Variants in MACROD2 observed in about 807,000 individuals in gnomAD.
MACROD2 encodes mono-ADP ribosylhydrolase 2, also known as ADP-ribose glycohydrolase MACROD2.
Under a neutral mutation model 70.4 loss-of-function variants are expected in MACROD2, and 36 were observed. That is an observed-to-expected ratio of 0.51 (90% confidence interval 0.39 to 0.68). MACROD2 has a LOEUF of 0.68. MACROD2 is among the 30% of genes least tolerant of loss of function. The pLI, the probability that MACROD2 is intolerant of heterozygous loss-of-function variation, is 0.00. For missense variants in MACROD2, 496 were observed against 538.4 expected, an observed-to-expected ratio of 0.92 and a Z score of 0.78; for synonymous variants, 172 against 178.8, an observed-to-expected ratio of 0.96 and a Z score of 0.30.
chr20:15,653,968 G>A (rs1022476795), intron 8 of MACROD2, among the ~76,000 whole-genome samples: 5 of 152,076 alleles, frequency 3.3e-5, no homozygotes, highest in East Asian at 3.9e-4. Flanking sequence ...AGGAAGACAT[G>A]GAAAAGAGGA....
chr20:14,810,475 C>T (rs1038322252), intron 5 of MACROD2, among the ~76,000 whole-genome samples: 3 of 152,062 alleles, frequency 2.0e-5, no homozygotes, highest in African/African-American at 7.2e-5. Flanking sequence ...AAACCCACAG[C>T]CAATATCATA....
At chr20:14,556,624 G>A (rs948746934) in intron 4 of MACROD2, among the ~76,000 whole-genome samples, 8 of 151,942 alleles carry the variant, frequency 5.3e-5, no homozygotes, top group East Asian at 3.9e-4. Context: ...ATTTGATCCC[G>A]TCATTCCCAT....
At chr20:15,293,099 C>T (rs1295089977) in intron 6 of MACROD2, among the ~76,000 whole-genome samples, 1 of 152,166 alleles carries the variant, frequency 6.6e-6, no homozygotes, top group Admixed American at 6.5e-5. Context: ...TTTCTAACAC[C>T]AATCCATTTC....
At chr20:16,029,797 A>G (rs2067128458) in intron 15 of MACROD2, among the ~76,000 whole-genome samples, 1 of 152,222 alleles carries the variant, frequency 6.6e-6, no homozygotes, top group South Asian at 2.1e-4. Context: ...CTCCATGTCA[A>G]TACCTCTGAA....
intron 5 of MACROD2, among the ~76,000 whole-genome samples, chr20:15,133,777 T>C (rs183012304): frequency 6.6e-5 from 10 of 152,286 alleles, no homozygotes; most frequent in Admixed American, 4.6e-4. Flanking sequence ...ATGGTAGGAT[T>C]CGTTAATATG....
intron 4 of MACROD2, among the ~76,000 whole-genome samples, chr20:14,544,077 G>A (rs2085464079): frequency 6.6e-6 from 1 of 152,060 alleles, no homozygotes; most frequent in Admixed American, 6.6e-5. Context: ...AGGCTAATGT[G>A]GCAAAAAGCA....
intron 8 of MACROD2, among the ~76,000 whole-genome samples, chr20:15,811,238 C>T (rs1187264672): frequency 2.6e-5 from 4 of 151,388 alleles, no homozygotes; most frequent in African/African-American, 9.7e-5. Flanking sequence ...AACAAATTTA[C>T]AAGAAAAAAA....
At chr20:14,156,141 G>A (rs372448885) in intron 3 of MACROD2, among the ~76,000 whole-genome samples, 121 of 152,146 alleles carry the variant, frequency 8.0e-4, no homozygotes, top group African/African-American at 2.9e-3. Flanking sequence ...CAGCCTGGGC[G>A]ACAAAGTCTC....
At chr20:14,907,526 T>C (rs570743747) in intron 5 of MACROD2, among the ~76,000 whole-genome samples, 2 of 152,100 alleles carry the variant, frequency 1.3e-5, no homozygotes, top group Non-Finnish European at 2.9e-5. Flanking sequence ...GTCTGTGATG[T>C]CCCGGGGGGA....
chr20:15,000,923 TG>T (rs1305391476), intron 5 of MACROD2, among the ~76,000 whole-genome samples: 9 of 152,336 alleles, frequency 5.9e-5, no homozygotes, highest in African/African-American at 2.2e-4. Context: ...GGCTGTATTT[TG>T]ATTGCAAATC....
chr20:14,754,393 A>G (rs2071913401), intron 5 of MACROD2, among the ~76,000 whole-genome samples: 1 of 152,146 alleles, frequency 6.6e-6, no homozygotes, highest in Admixed American at 6.6e-5. Flanking sequence ...CTTCCAAGAG[A>G]TGTTATTAAC....
chr20:16,010,358 G>A lies in MACROD2; in HGVS notation c.1153+23200G>A, dbSNP rs185270118. On this transcript the variant is annotated intron_variant, in intron 15 of 17. Coordinates refer to ENST00000684519, the MANE Select transcript of MACROD2 (RefSeq NM_001351661.2). ...GCTCTGTGTACAAAATCCCACAGGC[G>A]CTCATCTCTTATCTCTGCATATGCC... Among the ~76,000 whole-genome samples the A allele has an allele frequency of 2.9e-3, 436 of 152,170 alleles. 2 individuals are homozygous for A. Among genetic ancestry groups the A allele is most frequent in the Non-Finnish European group, 2.6e-3 (179 of 68,000 alleles).
chr20:15,484,032 A>G (rs2047132617), intron 7 of MACROD2, among the ~76,000 whole-genome samples: 1 of 136,280 alleles, frequency 7.3e-6, no homozygotes, highest in African/African-American at 2.6e-5. Context: ...TTTCTTTCCC[A>G]TCATTATGCC....
rs1264606333 is a variant in MACROD2 at position 15,088,398 on chromosome 20, TATATATATATATA to T, written c.419-141541_419-141529del. On this transcript the variant is annotated intron_variant, in intron 5 of 17. Transcript: ENST00000684519. ...CCATTAAAACATATATACTATATTT[TATATATATATATA>T]TATATATATATATATATATATATAT... 2.9e-3 allele frequency among the ~76,000 whole-genome samples: 20 copies of T among 6,792 alleles called. No homozygotes were observed. In the East Asian group the frequency reaches 0.032, roughly 11 times the overall value. 4.5% of individuals were successfully genotyped at this position (6,792 alleles called of 152,430 possible). A position where few individuals can be genotyped will look rare whatever the true frequency, so the allele number is the denominator to read the frequency against.
At chr20:15,352,068 A>C (rs2078233378) in intron 6 of MACROD2, among the ~76,000 whole-genome samples, 1 of 152,194 alleles carries the variant, frequency 6.6e-6, no homozygotes, top group South Asian at 2.1e-4. Context: ...CTTGAAGCTG[A>C]AGCTCAAACT....
chr20:15,706,328 G>T (rs1439459698), intron 8 of MACROD2, among the ~76,000 whole-genome samples: 1 of 152,196 alleles, frequency 6.6e-6, no homozygotes, highest in Non-Finnish European at 1.5e-5. Flanking sequence ...TTTGTAAAGT[G>T]AAAGGGTTGA....
chr20:14,842,940 G>T (rs188184187), intron 5 of MACROD2, among the ~76,000 whole-genome samples: 12 of 152,088 alleles, frequency 7.9e-5, no homozygotes, highest in Non-Finnish European at 1.5e-4. Context: ...CACTTTCATA[G>T]TTGTTTTCTA....
At chr20:14,341,387 C>G (rs1453474700) in intron 3 of MACROD2, among the ~76,000 whole-genome samples, 2 of 152,216 alleles carry the variant, frequency 1.3e-5, no homozygotes, top group Non-Finnish European at 2.9e-5. Flanking sequence ...CCTGTAATCC[C>G]AGCACTTTGG....
At chr20:15,489,148 G>A (rs941788430) in intron 7 of MACROD2, among the ~76,000 whole-genome samples, 1 of 152,142 alleles carries the variant, frequency 6.6e-6, no homozygotes, top group African/African-American at 2.4e-5. Context: ...GAAAGAAAAA[G>A]TGTCTCAAGA....
Sources: allele counts gnomAD v4.1 joint callset (sites outside exome capture counted in the v4.1 genomes callset), GRCh38; gene constraint gnomAD v4.1.1; transcripts MANE v1.5; gene names NCBI Gene and HGNC (gene_info 2026-07-23, HGNC 2026-07-21).